Variants in WAC observed in about 807,000 individuals in gnomAD.
The protein encoded by WAC is WW domain-containing adapter protein with coiled-coil.
Under a neutral mutation model 79.6 loss-of-function variants are expected in WAC, and 11 were observed. The observed-to-expected ratio is 0.14, with a 90% confidence interval of 0.09 to 0.23. The LOEUF (loss-of-function observed/expected upper bound fraction) is 0.23, where lower values mean the gene tolerates loss of function less well. WAC is among the 10% of genes least tolerant of loss of function. The pLI, the probability that WAC is intolerant of heterozygous loss-of-function variation, is 1.00. For missense variants in WAC, 728 were observed against 773.5 expected (o/e 0.94, Z 0.70); for synonymous variants, 304 against 276.9 (o/e 1.10, Z -0.97).
intron 8 of WAC, among the ~76,000 whole-genome samples, chr10:28,609,548 CTT>C (rs1589239105): frequency 6.6e-6 from 1 of 152,152 alleles, no homozygotes; most frequent in African/African-American, 2.4e-5. Flanking sequence ...ACGCAGTTCT[CTT>C]GTGTGGTAGG....
chr10:28,618,350 C>T (rs1461073059), intron 13 of WAC, among the ~76,000 whole-genome samples: 1 of 121,250 alleles, frequency 8.2e-6, no homozygotes, highest in African/African-American at 3.4e-5. Flanking sequence ...CCTGTCTGTG[C>T]AAGTCACAGA....
chr10:28,559,976 T>C (rs927094070), intron 3 of WAC, among the ~76,000 whole-genome samples: 1 of 152,070 alleles, frequency 6.6e-6, no homozygotes, highest in Non-Finnish European at 1.5e-5. Context: ...TGGATTAGGG[T>C]AATGACAATA....
At chr10:28,610,402 C>G (rs889608631) in intron 8 of WAC, among the ~76,000 whole-genome samples, 5 of 151,968 alleles carry the variant, frequency 3.3e-5, no homozygotes, top group Non-Finnish European at 7.4e-5. Context: ...ATTGGAAGTT[C>G]CTGTGAACAC....
At chr10:28,566,607 C>T (rs888223326) in intron 3 of WAC, among the ~76,000 whole-genome samples, 5 of 152,182 alleles carry the variant, frequency 3.3e-5, no homozygotes, top group Non-Finnish European at 7.4e-5. Context: ...TGCTTTTACT[C>T]ATGAATGACA....
At chr10:28,547,725 A>T (rs1421277184) in intron 3 of WAC, among the ~76,000 whole-genome samples, 2 of 151,824 alleles carry the variant, frequency 1.3e-5, no homozygotes, top group Admixed American at 1.3e-4. Context: ...TTTTTCATGG[A>T]TAGATACCCA....
intron 3 of WAC, among the ~76,000 whole-genome samples, chr10:28,549,193 C>T (rs1436165026): frequency 1.3e-5 from 2 of 152,196 alleles, no homozygotes; most frequent in African/African-American, 4.8e-5. Flanking sequence ...GCCACCACAT[C>T]CAGACAAGTT....
chr10:28,621,729 A>C lies in WAC; in HGVS notation c.*2123A>C, dbSNP rs1424253127. ...GCAAATGTTTCCTGATCAGATGGCA[A>C]TTTGTGATTTAGGTAAATTTGAATT... On this transcript the variant is annotated 3_prime_UTR_variant, in exon 14 of 14. Coordinates refer to ENST00000354911, the MANE Select transcript of WAC (RefSeq NM_016628.5). 1 of 152,238 alleles carries C rather than the reference A, an allele frequency of 6.6e-6. No homozygotes were observed. Among genetic ancestry groups the C allele is most frequent in the Admixed American group, 6.5e-5 (1 of 15,282 alleles). 9.4% of individuals were successfully genotyped at this position (152,238 alleles called of 1,614,324 possible).
chr10:28,591,022 A>AG (rs748557130), intron 6 of WAC, 190 bp downstream of exon 6: 12 of 552,584 alleles, frequency 2.2e-5, no homozygotes, highest in Admixed American at 3.4e-5. Context: ...ACGGTCGAGT[A>AG]GTACAGGTAT....
At chr10:28,581,425 G>T (rs1839530748) in intron 3 of WAC, among the ~76,000 whole-genome samples, 1 of 151,846 alleles carries the variant, frequency 6.6e-6, no homozygotes, top group Non-Finnish European at 1.5e-5. Flanking sequence ...TTAGGGTTGT[G>T]AGATCCCTCT....
chr10:28,540,495 C>T (rs560617340), intron 3 of WAC, among the ~76,000 whole-genome samples: 21 of 152,106 alleles, frequency 1.4e-4, no homozygotes, highest in African/African-American at 4.8e-4. Flanking sequence ...TAGTTCTAGG[C>T]GCAGTTATCA....
At chr10:28,553,745 A>G (rs1837831242) in intron 3 of WAC, among the ~76,000 whole-genome samples, 1 of 152,190 alleles carries the variant, frequency 6.6e-6, no homozygotes, top group Admixed American at 6.5e-5. Flanking sequence ...CACAGATAGA[A>G]AATATTTGGG....
chr10:28,619,221 A>C (rs1841601292), intron 13 of WAC, among the ~76,000 whole-genome samples: 1 of 152,212 alleles, frequency 6.6e-6, no homozygotes, highest in South Asian at 2.1e-4. Flanking sequence ...CGGAGATTGC[A>C]GTGAGTCAAG....
intron 3 of WAC, among the ~76,000 whole-genome samples, chr10:28,581,606 G>A (rs956465044): frequency 1.3e-5 from 2 of 152,086 alleles, no homozygotes; most frequent in African/African-American, 4.8e-5. Context: ...CCAGGCTGGA[G>A]TGCAGTGGCA....
At chr10:28,558,052 C>T (rs1430057221) in intron 3 of WAC, among the ~76,000 whole-genome samples, 1 of 151,860 alleles carries the variant, frequency 6.6e-6, no homozygotes, top group Non-Finnish European at 1.5e-5. Flanking sequence ...CCAGCCTGGG[C>T]AACAGAGCGA....
At chr10:28,535,447 T>C (rs1467105833) in intron 2 of WAC, 115 bp from the exon 3 acceptor site, 6 of 1,320,510 alleles carry the variant, frequency 4.5e-6, no homozygotes, top group Non-Finnish European at 6.1e-6. Context: ...AAGTGGAAAT[T>C]TTAATTTTGT....
At chr10:28,559,873 A>G (rs1486621063) in intron 3 of WAC, among the ~76,000 whole-genome samples, 5 of 152,140 alleles carry the variant, frequency 3.3e-5, no homozygotes, top group African/African-American at 4.8e-5. Context: ...TTCCTCAGAT[A>G]GATGTTTCTT....
Position 28,619,648 on chromosome 10 carries a change from A to T in WAC, c.*42A>T. On this transcript the variant is annotated 3_prime_UTR_variant, in exon 14 of 14. Coordinates refer to ENST00000354911, the MANE Select transcript of WAC (RefSeq NM_016628.5). ...ACATGGTTTTGAGAACAGGAACTGT[A>T]AATCTGTTGCCCAATCTTAACATTT... 2 of 1,503,232 alleles carry T rather than the reference A, an allele frequency of 1.3e-6. No homozygotes were observed. The highest frequency in any genetic ancestry group is 1.8e-6 in the Non-Finnish European group (2 of 1,121,130). 93.1% of individuals were successfully genotyped at this position (1,503,232 alleles called of 1,614,324 possible).
At chr10:28,616,595 G>A (rs955723166) in intron 12 of WAC, among the ~76,000 whole-genome samples, 9 of 152,216 alleles carry the variant, frequency 5.9e-5, no homozygotes, top group African/African-American at 2.2e-4. Context: ...TTAGCTCAGT[G>A]CTTAATGCCT....
At chr10:28,537,905 T>C (rs558572979) in intron 3 of WAC, among the ~76,000 whole-genome samples, 2 of 152,232 alleles carry the variant, frequency 1.3e-5, no homozygotes, top group East Asian at 3.8e-4. Context: ...TTTTCTGATC[T>C]AATCACTTGC....
Sources: allele counts gnomAD v4.1 joint callset (sites outside exome capture counted in the v4.1 genomes callset), GRCh38; gene constraint gnomAD v4.1.1; transcripts MANE v1.5; gene names NCBI Gene and HGNC (gene_info 2026-07-23, HGNC 2026-07-21).